The following ATP6V1C1 variants were observed in gnomAD, a reference collection of about 807,000 sequenced individuals.
The protein encoded by ATP6V1C1 is V-type proton ATPase subunit C 1.
In ATP6V1C1, 45 loss-of-function variants were observed where a neutral mutation model predicts 53.9. The ratio of observed to expected loss-of-function variants is 0.83; its 90% CI spans 0.66 to 1.07. The LOEUF is 1.07. ATP6V1C1 is among the 50% of genes least tolerant of loss of function. ATP6V1C1 has a pLI of 0.00. For missense variants in ATP6V1C1, 315 were observed against 440.3 expected (o/e 0.72, Z 2.55); for synonymous variants, 153 against 155.2 (o/e 0.99, Z 0.11).
chr8:103,034,321 C>A lies in ATP6V1C1; in HGVS notation c.-39-6477C>A, dbSNP rs536780971. Among the ~76,000 whole-genome samples, 5 of 152,134 alleles carry A rather than the reference C, an allele frequency of 3.3e-5. No individual in the cohort carries two copies. In the East Asian group the frequency reaches 9.7e-4, roughly 29 times the overall value. ...ATTTAGGCCTGACTTCCTTCGTATT[C>A]AAGATAAAATAAAGGGAAATAATTA... On this transcript the variant is annotated intron_variant, in intron 1 of 12. Coordinates refer to ENST00000518738, the MANE Select transcript of ATP6V1C1 (RefSeq NM_001695.5).
chr8:103,025,388 C>A (rs1229120979), intron 1 of ATP6V1C1, among the ~76,000 whole-genome samples: 21 of 152,124 alleles, frequency 1.4e-4, no homozygotes, highest in Admixed American at 1.4e-3. Flanking sequence ...GAGAGAGGCA[C>A]CATTTGGTGC....
chr8:103,060,575 T>C (rs1199399026), intron 8 of ATP6V1C1, among the ~76,000 whole-genome samples: 1 of 152,260 alleles, frequency 6.6e-6, no homozygotes, highest in Non-Finnish European at 1.5e-5. Context: ...AGTTTTATAC[T>C]AATATCTAGC....
chr8:103,022,313 G>A (rs867917888), intron 1 of ATP6V1C1, among the ~76,000 whole-genome samples: 4 of 152,172 alleles, frequency 2.6e-5, no homozygotes, highest in Middle Eastern at 3.2e-3. Flanking sequence ...TTCTGGTGGA[G>A]TCAGAAGTAG....
intron 1 of ATP6V1C1, among the ~76,000 whole-genome samples, chr8:103,037,665 T>C (rs142448451): frequency 1.3e-3 from 196 of 152,334 alleles, no homozygotes; most frequent in African/African-American, 4.4e-3. Flanking sequence ...TGTTATGTTT[T>C]AACTTGTAAA....
Position 103,058,407 on chromosome 8 carries a change from C to T in ATP6V1C1, c.641+2471C>T, listed in dbSNP as rs550428610. Among the ~76,000 whole-genome samples, 366 of 152,330 alleles carry T rather than the reference C, an allele frequency of 2.4e-3. 2 individuals are homozygous for T. Among genetic ancestry groups the T allele is most frequent in the African/African-American group, 8.4e-3 (351 of 41,572 alleles). On this transcript the variant is annotated intron_variant, in intron 8 of 12. Transcript: ENST00000518738. ...ATAGCACTAGCTCAAATAGCACCAT[C>T]AAGAGTATGTGCAGTTCATGTAGGG...
At chr8:103,047,137 A>G (rs993732311) in intron 3 of ATP6V1C1, among the ~76,000 whole-genome samples, 13 of 152,184 alleles carry the variant, frequency 8.5e-5, no homozygotes, top group Admixed American at 7.9e-4. Context: ...TAGGACTTAC[A>G]TCATTATTTC....
At chr8:103,023,882 G>A (rs1816643424) in intron 1 of ATP6V1C1, among the ~76,000 whole-genome samples, 1 of 150,188 alleles carries the variant, frequency 6.7e-6, no homozygotes, top group Non-Finnish European at 1.5e-5. Context: ...GTGCACAGTA[G>A]TCTTTGATTC....
intron 3 of ATP6V1C1, among the ~76,000 whole-genome samples, chr8:103,047,671 C>T (rs1817128860): frequency 6.6e-6 from 1 of 152,176 alleles, no homozygotes; most frequent in Admixed American, 6.5e-5. Context: ...CCCTACTTCT[C>T]GGCCTGCTGC....
At chr8:103,067,883 G>A (rs1453677021) in intron 12 of ATP6V1C1, among the ~76,000 whole-genome samples, 2 of 151,998 alleles carry the variant, frequency 1.3e-5, no homozygotes, top group African/African-American at 4.8e-5. Context: ...CCTTGCCCCC[G>A]GCCAACTTGC....
rs185018866 is a variant in ATP6V1C1 at position 103,054,663 on chromosome 8, T to G, written c.572+681T>G. On this transcript the variant is annotated intron_variant, in intron 7 of 12. Coordinates refer to ENST00000518738, the MANE Select transcript of ATP6V1C1 (RefSeq NM_001695.5). ...TATGTTATTTAATATTTGATCATAG[T>G]TAATCTTAAATGAAATGAAACCTTT... Among the ~76,000 whole-genome samples, 164 of 152,244 alleles carry G rather than the reference T, an allele frequency of 1.1e-3. 1 individual carries two copies. The highest frequency in any genetic ancestry group is 3.8e-3 in the African/African-American group (160 of 41,568).
intron 1 of ATP6V1C1, among the ~76,000 whole-genome samples, chr8:103,035,710 G>A (rs984133879): frequency 2.0e-5 from 3 of 152,088 alleles, no homozygotes; most frequent in Admixed American, 6.5e-5. Flanking sequence ...AAGATGTGTC[G>A]TGTTCCCACT....
chr8:103,038,580 C>T (rs932816777), intron 1 of ATP6V1C1, among the ~76,000 whole-genome samples: 1 of 151,780 alleles, frequency 6.6e-6, no homozygotes, highest in African/African-American at 2.4e-5. Flanking sequence ...TTTATAATAG[C>T]AAAAAAGTAA....
chr8:103,068,667 C>A lies in ATP6V1C1; in HGVS notation c.1069C>A (p.Pro357Thr). Residue 357 changes from proline to threonine, a missense_variant, in exon 13 of 13, where the codon CCA becomes ACA. Transcript: ENST00000518738. ...AAIIDAPMDI[P>T]GLNLSQQEYY... ...TTTTCCATAGGCTCCTATGGATATT[C>A]CAGGTTTAAACCTGAGTCAACAAGA... 6.2e-7 allele frequency: 1 copy of A among 1,605,856 alleles called. No homozygotes were observed. Among genetic ancestry groups the A allele is most frequent in the Non-Finnish European group, 8.5e-7 (1 of 1,176,074 alleles).
At chr8:103,038,150 T>C (rs956039570) in intron 1 of ATP6V1C1, among the ~76,000 whole-genome samples, 2 of 152,146 alleles carry the variant, frequency 1.3e-5, no homozygotes, top group Admixed American at 6.5e-5. Context: ...CCTGGACTCA[T>C]TGATGCAGCC....
Position 103,053,792 on chromosome 8 carries a change from T to C in ATP6V1C1, c.474-92T>C, listed in dbSNP as rs927940656. 5.6e-6 allele frequency: 5 copies of C among 888,102 alleles called. No homozygotes were observed. The African/African-American group carries it at 6.8e-5, about 12-fold the overall frequency. 55.0% of individuals were successfully genotyped at this position (888,102 alleles called of 1,614,324 possible). A position where few individuals can be genotyped will look rare whatever the true frequency, so the allele number is the denominator to read the frequency against. On this transcript the variant is annotated intron_variant, in intron 6 of 12. Transcript: ENST00000518738. The stretch of plus-strand genomic sequence containing the variant: ...AGACTAATCCCTCTCAATGTATATA[T>C]AGTATATGTGAAAATGATTAGCCTG...
intron 1 of ATP6V1C1, among the ~76,000 whole-genome samples, chr8:103,025,653 A>G (rs2131379572): frequency 6.6e-6 from 1 of 152,366 alleles, no homozygotes; most frequent in South Asian, 2.1e-4. Context: ...AATAAAATGT[A>G]GTCACTAAAT....
intron 5 of ATP6V1C1, among the ~76,000 whole-genome samples, chr8:103,052,238 A>G (rs953763310): frequency 6.6e-6 from 1 of 152,036 alleles, no homozygotes; most frequent in Admixed American, 6.6e-5. Flanking sequence ...TTTTCTCCCC[A>G]TGTAGTTAGT....
chr8:103,023,285 T>G, intron 1 of ATP6V1C1, among the ~76,000 whole-genome samples: 1 of 150,188 alleles, frequency 6.7e-6, no homozygotes, highest in Admixed American at 6.6e-5. Flanking sequence ...TGTGGCTTTT[T>G]TTTTTTTTTT....
At chr8:103,027,802 T>C (rs1161792920) in intron 1 of ATP6V1C1, among the ~76,000 whole-genome samples, 1 of 152,136 alleles carries the variant, frequency 6.6e-6, no homozygotes, top group Admixed American at 6.5e-5. Flanking sequence ...TTCTTCAGTG[T>C]TTTTTTCTGT....
Sources: gnomAD v4.1 joint callset for allele counts (sites outside exome capture counted in the v4.1 genomes callset) on GRCh38, gnomAD v4.1.1 for gene constraint, MANE v1.5 for transcripts, NCBI Gene and HGNC (gene_info 2026-07-23, HGNC 2026-07-21) for gene names.